CACNA2D3: variants seen among roughly 807,000 people sequenced by gnomAD.
CACNA2D3 encodes the protein calcium voltage-gated channel auxiliary subunit alpha2delta 3, also known as voltage-dependent calcium channel subunit alpha-2/delta-3.
In CACNA2D3, 60 loss-of-function variants were observed where a neutral mutation model predicts 160.6. That is an observed-to-expected ratio of 0.37 (90% CI 0.30 to 0.46). The LOEUF (loss-of-function observed/expected upper bound fraction) is 0.46, where lower values mean the gene tolerates loss of function less well. Among genes scored for constraint, CACNA2D3 ranks in the 20% least tolerant of loss-of-function variants. The probability of loss-of-function intolerance (pLI) is 1.00; values close to 1 mark genes in which losing one functional copy is unlikely to be tolerated. For missense variants in CACNA2D3, 1,205 were observed against 1,365.0 expected, an observed-to-expected ratio of 0.88 and a Z score of 1.85; for synonymous variants, 558 against 492.9, an observed-to-expected ratio of 1.13 and a Z score of -1.75.
chr3:54,371,638 T>G (rs374644883), intron 3 of CACNA2D3, among the ~76,000 whole-genome samples: 1 of 152,196 alleles, frequency 6.6e-6, no homozygotes, highest in Non-Finnish European at 1.5e-5. Flanking sequence ...TCTCCTCCCA[T>G]TGACATTTAT....
chr3:54,127,612 G>T (rs1396821187), intron 2 of CACNA2D3, among the ~76,000 whole-genome samples: 1 of 152,168 alleles, frequency 6.6e-6, no homozygotes, highest in Non-Finnish European at 1.5e-5. Flanking sequence ...ACAGTTATTT[G>T]CCATCCTGAA....
chr3:54,746,232 G>A (rs1559567333), intron 11 of CACNA2D3, among the ~76,000 whole-genome samples: 1 of 152,272 alleles, frequency 6.6e-6, no homozygotes, highest in East Asian at 1.9e-4. Flanking sequence ...CTTATCTTCT[G>A]CTTAAAGATT....
chr3:55,062,814 G>A (rs1704546604), intron 35 of CACNA2D3, among the ~76,000 whole-genome samples: 1 of 152,140 alleles, frequency 6.6e-6, no homozygotes, highest in Non-Finnish European at 1.5e-5. Flanking sequence ...AGCTGCCCTA[G>A]AAGGTAACTC....
intron 2 of CACNA2D3, among the ~76,000 whole-genome samples, chr3:54,245,039 A>G (rs4446245): frequency 0.99 from 151,032 of 152,234 alleles, 74,929 homozygotes; most frequent in African/African-American, 1. Context: ...GTACTCTTTC[A>G]TTCTGATTTA....
At chr3:54,191,461 A>G (rs1170494162) in intron 2 of CACNA2D3, among the ~76,000 whole-genome samples, 2 of 151,934 alleles carry the variant, frequency 1.3e-5, no homozygotes, top group African/African-American at 4.8e-5. Flanking sequence ...TTTCAGTTTC[A>G]TACGCATGCT....
intron 31 of CACNA2D3, among the ~76,000 whole-genome samples, chr3:54,991,551 C>T (rs1702744328): frequency 6.6e-6 from 1 of 151,270 alleles, no homozygotes; most frequent in Admixed American, 6.6e-5. Context: ...AAAATCTAGT[C>T]TCAAAATCCT....
intron 33 of CACNA2D3, 48 bp downstream of exon 33, chr3:55,007,890 T>G: frequency 7.6e-7 from 1 of 1,312,456 alleles, no homozygotes; most frequent in South Asian, 1.5e-5. Flanking sequence ...ATATTTTCCT[T>G]TTTGTATCAT....
intron 4 of CACNA2D3, among the ~76,000 whole-genome samples, chr3:54,453,139 G>GCAC: frequency 6.6e-6 from 1 of 152,048 alleles, no homozygotes; most frequent in South Asian, 2.1e-4. Flanking sequence ...CCATAAGTAT[G>GCAC]CACCACCACA....
At chr3:54,955,468 G>GA (rs148881229) in intron 27 of CACNA2D3, among the ~76,000 whole-genome samples, 2,625 of 151,690 alleles carry the variant, frequency 0.017, 88 homozygotes, top group African/African-American at 0.059. Context: ...AAAGAAAAAA[G>GA]AAAAAAAAGC....
At chr3:54,651,014 C>T (rs1699753489) in intron 11 of CACNA2D3, among the ~76,000 whole-genome samples, 1 of 152,198 alleles carries the variant, frequency 6.6e-6, no homozygotes, top group African/African-American at 2.4e-5. Context: ...ATTCAGGATT[C>T]CCTGACTAGC....
chr3:54,528,205 G>A (rs1341441930), intron 5 of CACNA2D3, among the ~76,000 whole-genome samples: 2 of 151,788 alleles, frequency 1.3e-5, no homozygotes, highest in Non-Finnish European at 2.9e-5. Context: ...CAGAGGCTTT[G>A]TATATGAGTC....
chr3:54,813,891 A>T (rs1284549227), intron 13 of CACNA2D3, among the ~76,000 whole-genome samples: 1 of 134,646 alleles, frequency 7.4e-6, no homozygotes. Context: ...TTGAGACAGG[A>T]TCTCACTCTG....
chr3:54,598,222 C>T (rs1299041009), intron 9 of CACNA2D3, among the ~76,000 whole-genome samples: 1 of 137,534 alleles, frequency 7.3e-6, no homozygotes, highest in South Asian at 2.4e-4. Flanking sequence ...GCAGGAGAAT[C>T]GCTTGAACCT....
chr3:54,742,347 G>T (rs1290747491), intron 11 of CACNA2D3, among the ~76,000 whole-genome samples: 4 of 152,170 alleles, frequency 2.6e-5, no homozygotes, highest in Non-Finnish European at 5.9e-5. Context: ...GAACCTGGGA[G>T]GCGGAGGTTG....
chr3:54,984,589 T>G lies in CACNA2D3; in HGVS notation c.2557-19T>G, dbSNP rs202093171. ...GTTGAAGCTGTTTTTTTGTTTTTGT[T>G]TTTTTTTTAATTTTCTAGACTGTGA... On this transcript the variant is annotated intron_variant, in intron 29 of 37. Coordinates refer to ENST00000474759, the MANE Select transcript of CACNA2D3 (RefSeq NM_018398.3). The G allele has an allele frequency of 8.9e-3, 13,141 of 1,474,470 alleles. 97 individuals carry two copies. Among genetic ancestry groups the G allele is most frequent in the Non-Finnish European group, 0.011 (11,789 of 1,087,400 alleles). 91.3% of individuals were successfully genotyped at this position (1,474,470 alleles called of 1,614,324 possible). A position where few individuals can be genotyped will look rare whatever the true frequency, so the allele number is the denominator to read the frequency against.
chr3:54,180,100 C>CTTTT (rs5849033), intron 2 of CACNA2D3, among the ~76,000 whole-genome samples: 3 of 127,816 alleles, frequency 2.3e-5, no homozygotes, highest in Non-Finnish European at 3.2e-5. Context: ...TGTCTTTTGC[C>CTTTT]TTTTTTTTTT....
At chr3:54,311,405 A>T (rs1270015243) in intron 2 of CACNA2D3, among the ~76,000 whole-genome samples, 1 of 152,138 alleles carries the variant, frequency 6.6e-6, no homozygotes, top group Non-Finnish European at 1.5e-5. Context: ...TCCTTCATAG[A>T]CTACATCTTC....
chr3:54,473,368 A>G (rs935786972), intron 4 of CACNA2D3, among the ~76,000 whole-genome samples: 1 of 152,218 alleles, frequency 6.6e-6, no homozygotes, highest in East Asian at 1.9e-4. Context: ...CTTACACCTT[A>G]TAAAAAAATT....
chr3:54,242,757 C>T lies in CACNA2D3; in HGVS notation c.205-77685C>T, dbSNP rs115344252. Among the ~76,000 whole-genome samples, 214 of 152,120 alleles carry T rather than the reference C, an allele frequency of 1.4e-3. 1 individual carries two copies. The highest frequency in any genetic ancestry group is 4.9e-3 in the African/African-American group (204 of 41,520). ...TGAATTGTTTATTTTTGGAATTTCC[C>T]GTGTAATATTTTTGGATTGAGGTTG... is the stretch of plus-strand genomic sequence containing the variant. On this transcript the variant is annotated intron_variant, in intron 2 of 37. Coordinates refer to ENST00000474759, the MANE Select transcript of CACNA2D3 (RefSeq NM_018398.3).
Sources: gnomAD v4.1 joint callset for allele counts (sites outside exome capture counted in the v4.1 genomes callset) on GRCh38, gnomAD v4.1.1 for gene constraint, MANE v1.5 for transcripts, NCBI Gene and HGNC (gene_info 2026-07-23, HGNC 2026-07-21) for gene names.